SLC30A7: variants seen among roughly 807,000 people sequenced by gnomAD.
SLC30A7 encodes zinc transporter 7.
A neutral mutation model predicts 46.0 loss-of-function variants in SLC30A7; 35 were observed. The observed-to-expected ratio is 0.76, with a 90% CI of 0.58 to 1.01. The LOEUF (loss-of-function observed/expected upper bound fraction) is 1.01, where lower values mean the gene tolerates loss of function less well. SLC30A7 is among the 50% of genes least tolerant of loss of function. The pLI is 0.00. For synonymous variants in SLC30A7, 147 were observed against 157.8 expected (o/e 0.93, Z 0.51); for missense variants, 464 against 451.1 (o/e 1.03, Z -0.26).
intron 3 of SLC30A7, among the ~76,000 whole-genome samples, chr1:100,907,475 A>G (rs1490788778): frequency 1.3e-5 from 2 of 152,156 alleles, no homozygotes; most frequent in African/African-American, 4.8e-5. Flanking sequence ...TAGAGGCATA[A>G]TTTGATTTCT....
Position 100,975,017 on chromosome 1 carries a change from T to A in SLC30A7, c.*160T>A, listed in dbSNP as rs7550190. ...TCAGCCGTTCATGCTTTGTGGGGAG[T>A]TCACAGCTAAGGGATCAGATTTAAG... is the stretch of plus-strand genomic sequence containing the variant. On this transcript the variant is annotated 3_prime_UTR_variant, in exon 11 of 11. Coordinates refer to ENST00000357650, the MANE Select transcript of SLC30A7 (RefSeq NM_133496.5). The A allele has an allele frequency of 0.01, 4,729 of 457,096 alleles. 163 individuals carry two copies. The highest frequency in any genetic ancestry group is 0.079 in the African/African-American group (3,948 of 50,158). The allele number at this position is 457,096 out of a possible 1,614,324, so 28.3% of individuals were successfully genotyped here. A position where few individuals can be genotyped will look rare whatever the true frequency, so the allele number is the denominator to read the frequency against.
chr1:100,928,199 C>A (rs974882295), intron 8 of SLC30A7, among the ~76,000 whole-genome samples: 1 of 152,098 alleles, frequency 6.6e-6, no homozygotes, highest in Admixed American at 6.5e-5. Context: ...TCTAATGGCA[C>A]GGGCCTTAAG....
rs146805370 is a variant in SLC30A7 at position 100,949,423 on chromosome 1, C to G, written c.843-12405C>G. Among the ~76,000 whole-genome samples the G allele has an allele frequency of 6.7e-3, 1,026 of 152,266 alleles. 18 individuals are homozygous for G. The highest frequency in any genetic ancestry group is 0.022 in the African/African-American group (896 of 41,552). On this transcript the variant is annotated intron_variant, in intron 8 of 10. Transcript: ENST00000357650. ...GCACCCGCCTGTGTGAGGTGTCTGT[C>G]AGCCCCTACTGGGAGGTGTCTCCCA...
downstream of SLC30A7, among the ~76,000 whole-genome samples, chr1:100,982,170 A>G (rs1399189960): frequency 2.6e-5 from 4 of 152,232 alleles, no homozygotes; most frequent in Non-Finnish European, 2.9e-5. Context: ...CTTCCACAGT[A>G]TCCCATGCAC....
chr1:100,990,948 C>G, the SLC30A7 span, among the ~76,000 whole-genome samples: 3 of 152,154 alleles, frequency 2.0e-5, no homozygotes, highest in Non-Finnish European at 4.4e-5. Context: ...TCTGAGTAAA[C>G]AATGTTTATT....
chr1:100,995,204 C>G, the SLC30A7 span: 15 of 1,290,942 alleles, frequency 1.2e-5, no homozygotes, highest in South Asian at 1.8e-4. Flanking sequence ...ATCCAAAACC[C>G]TATGTGTAAA....
chr1:100,931,850 G>A (rs184430909), intron 8 of SLC30A7, among the ~76,000 whole-genome samples: 2 of 152,254 alleles, frequency 1.3e-5, no homozygotes, highest in Non-Finnish European at 2.9e-5. Context: ...CAAACATACT[G>A]TATTATTTTT....
In SLC30A7 at chr1:100,906,799, T is replaced by C; in HGVS notation, c.183-53T>C. The C allele has an allele frequency of 2.6e-6, 3 of 1,160,686 alleles. No homozygotes were observed. In the South Asian group the frequency reaches 3.7e-5, roughly 14 times the overall value. The allele number at this position is 1,160,686 out of a possible 1,614,324, so 71.9% of individuals were successfully genotyped here. A position where few individuals can be genotyped will look rare whatever the true frequency, so the allele number is the denominator to read the frequency against. Reference sequence around the variant, plus strand: ...TGAATCTTAGACTTTCAGAGAAAGATGCCTACTGTTTGGTTTTTATTATAA... The same window carrying C: ...TGAATCTTAGACTTTCAGAGAAAGACGCCTACTGTTTGGTTTTTATTATAA... On this transcript the variant is annotated intron_variant, in intron 2 of 10. Coordinates refer to ENST00000357650, the MANE Select transcript of SLC30A7 (RefSeq NM_133496.5).
Position 100,964,416 on chromosome 1 carries a change from G to T in SLC30A7, c.934-1353G>T, listed in dbSNP as rs190075892. ...CTATATATGTGTATGTATATATATA[G>T]AGAGAGGGAGAGTTTCTCTTCTTCA... On this transcript the variant is annotated intron_variant, in intron 9 of 10. Coordinates refer to ENST00000357650, the MANE Select transcript of SLC30A7 (RefSeq NM_133496.5). Among the ~76,000 whole-genome samples, 49 of 147,960 alleles carry T rather than the reference G, an allele frequency of 3.3e-4. No individual in the cohort carries two copies. In the East Asian group the frequency reaches 4.3e-3, roughly 13 times the overall value.
chr1:100,933,894 GTTTCTTCCATGAAGCCT>G (rs1170829709), intron 8 of SLC30A7, among the ~76,000 whole-genome samples: 3 of 152,182 alleles, frequency 2.0e-5, no homozygotes, highest in African/African-American at 4.8e-5. Flanking sequence ...TTCTAATACT[GTTTCTTCCATGAAGCCT>G]TTTCTTCCAT....
chr1:100,919,117 C>T (rs751635957), intron 7 of SLC30A7, among the ~76,000 whole-genome samples: 1 of 152,066 alleles, frequency 6.6e-6, no homozygotes, highest in Admixed American at 6.5e-5. Flanking sequence ...GTGAGAACTC[C>T]ATAATATTTG....
intron 2 of SLC30A7, among the ~76,000 whole-genome samples, chr1:100,905,233 C>G (rs1442005675): frequency 2.6e-5 from 4 of 151,964 alleles, no homozygotes; most frequent in Non-Finnish European, 5.9e-5. Context: ...GGTGTTGCTC[C>G]ATTGCATTCT....
At chr1:100,941,656 G>A in intron 8 of SLC30A7, 1 of 616,540 alleles carries the variant, frequency 1.6e-6, no homozygotes, top group South Asian at 1.4e-5. Context: ...TCACAGTTAA[G>A]TGGGCACTGG....
At chr1:100,969,229 T>C (rs1009139896) in intron 10 of SLC30A7, among the ~76,000 whole-genome samples, 1 of 152,346 alleles carries the variant, frequency 6.6e-6, no homozygotes, top group Admixed American at 6.5e-5. Context: ...ACCTTCACAA[T>C]GTGTCTGAAT....
At chr1:100,900,547 T>C (rs962952780) in intron 2 of SLC30A7, among the ~76,000 whole-genome samples, 24 of 152,222 alleles carry the variant, frequency 1.6e-4, no homozygotes, top group Admixed American at 5.9e-4. Flanking sequence ...CTTATGGTGA[T>C]GGCTTTTGCT....
intron 10 of SLC30A7, among the ~76,000 whole-genome samples, chr1:100,967,889 T>C (rs1655946857): frequency 6.6e-6 from 1 of 152,198 alleles, no homozygotes; most frequent in Non-Finnish European, 1.5e-5. Flanking sequence ...TTATGGACTG[T>C]AGTAGTTCAT....
intron 8 of SLC30A7, among the ~76,000 whole-genome samples, chr1:100,932,514 T>C (rs1012104717): frequency 1.3e-5 from 2 of 152,226 alleles, no homozygotes; most frequent in Non-Finnish European, 2.9e-5. Flanking sequence ...ATGTGAGTGG[T>C]ATAATATAAC....
intron 6 of SLC30A7, among the ~76,000 whole-genome samples, chr1:100,916,463 G>T (rs999605020): frequency 1.3e-5 from 2 of 152,148 alleles, no homozygotes; most frequent in Non-Finnish European, 2.9e-5. Context: ...GAGATTACAG[G>T]TGTGAGCCAC....
At chr1:100,937,993 G>C (rs926708818) in intron 8 of SLC30A7, among the ~76,000 whole-genome samples, 1 of 152,172 alleles carries the variant, frequency 6.6e-6, no homozygotes, top group African/African-American at 2.4e-5. Context: ...TGAGAAGTCT[G>C]TCCTTTCCCC....
Sources: gnomAD v4.1 joint callset for allele counts (sites outside exome capture counted in the v4.1 genomes callset) on GRCh38, gnomAD v4.1.1 for gene constraint, MANE v1.5 for transcripts, NCBI Gene and HGNC (gene_info 2026-07-23, HGNC 2026-07-21) for gene names.